Variants in LINGO2 observed in about 807,000 individuals in gnomAD.
LINGO2 encodes the protein leucine-rich repeat and immunoglobulin-like domain-containing nogo receptor-interacting protein 2.
LINGO2 carries 14 observed loss-of-function variants against 30.6 expected under a neutral mutation model. The ratio of observed to expected loss-of-function variants is 0.46; its 90% CI spans 0.30 to 0.72. The LOEUF (loss-of-function observed/expected upper bound fraction) is 0.72, where lower values mean the gene tolerates loss of function less well. Among genes scored for constraint, LINGO2 ranks in the 30% least tolerant of loss-of-function variants. The pLI, the probability that LINGO2 is intolerant of heterozygous loss-of-function variation, is 0.07. For synonymous variants in LINGO2, 317 were observed against 288.5 expected (o/e 1.10, Z -1.00); for missense variants, 729 against 751.7 (o/e 0.97, Z 0.35).
chr9:28,895,694 C>T, the LINGO2 span, among the ~76,000 whole-genome samples: 1 of 151,958 alleles, frequency 6.6e-6, no homozygotes, highest in Non-Finnish European at 1.5e-5. Flanking sequence ...TTTAGATTGA[C>T]AGTAGTCAGA....
At chr9:28,262,031 T>C (rs1312566000) in intron 4 of LINGO2, among the ~76,000 whole-genome samples, 1 of 151,992 alleles carries the variant, frequency 6.6e-6, no homozygotes, top group Non-Finnish European at 1.5e-5. Flanking sequence ...AGTCAATTTG[T>C]GTTAATACAC....
At chr9:28,700,136 C>G in the LINGO2 span, among the ~76,000 whole-genome samples, 1 of 151,868 alleles carries the variant, frequency 6.6e-6, no homozygotes, top group Non-Finnish European at 1.5e-5. Context: ...GCATCATGGT[C>G]CTACCTATAA....
chr9:28,914,725 A>G, the LINGO2 span, among the ~76,000 whole-genome samples: 2 of 152,210 alleles, frequency 1.3e-5, no homozygotes, highest in African/African-American at 2.4e-5. Context: ...AGATTTTGGT[A>G]TCTTCCAGTG....
chr9:28,577,135 C>A (rs1283160622), intron 1 of LINGO2, among the ~76,000 whole-genome samples: 1 of 152,028 alleles, frequency 6.6e-6, no homozygotes, highest in Non-Finnish European at 1.5e-5. Flanking sequence ...AAATAAAACG[C>A]CACAAATTTA....
chr9:28,787,272 A>G, the LINGO2 span, among the ~76,000 whole-genome samples: 3 of 152,184 alleles, frequency 2.0e-5, no homozygotes, highest in Non-Finnish European at 2.9e-5. Context: ...AAGATCTTGT[A>G]CACTACAAAA....
chr9:28,433,949 C>CTCTCTCTCTCTCTATATATATATATA (rs1225323260), intron 2 of LINGO2, among the ~76,000 whole-genome samples: 15 of 88,530 alleles, frequency 1.7e-4, no homozygotes, highest in African/African-American at 6.7e-4. Flanking sequence ...CTCTCTCTCT[C>CTCTCTCTCTCTCTATATATATATATA]TATATATATA....
chr9:28,357,003 T>A (rs1040532911), intron 3 of LINGO2, among the ~76,000 whole-genome samples: 4 of 152,112 alleles, frequency 2.6e-5, no homozygotes, highest in Admixed American at 2.6e-4. Flanking sequence ...TAAATATACA[T>A]ATCTAGGCTC....
At chr9:28,542,728 C>T (rs1200143277) in intron 1 of LINGO2, among the ~76,000 whole-genome samples, 2 of 151,940 alleles carry the variant, frequency 1.3e-5, no homozygotes, top group African/African-American at 4.8e-5. Context: ...GTAGAAAATA[C>T]AGATGTTTAG....
chr9:28,436,747 G>T (rs781553603), intron 2 of LINGO2, among the ~76,000 whole-genome samples: 1 of 152,136 alleles, frequency 6.6e-6, no homozygotes, highest in Non-Finnish European at 1.5e-5. Flanking sequence ...ATAAGCCACC[G>T]CGCCCGGCCA....
At chr9:28,469,036 G>T (rs796876316) in intron 2 of LINGO2, among the ~76,000 whole-genome samples, 24 of 151,932 alleles carry the variant, frequency 1.6e-4, no homozygotes, top group African/African-American at 5.8e-4. Context: ...AAGAGCAAAA[G>T]AAGAATGTGG....
rs886097982 is a variant in LINGO2 at position 28,047,624 on chromosome 9, G to A, written c.-86-35219C>T. On this transcript the variant is annotated intron_variant, in intron 4 of 5. Transcript: ENST00000379992. Reference sequence around the variant, plus strand: ...GATCAATCTACACCTCAGCTTCCTCGGGAGAGTTATGGTGATAGTAACGGT... The same window carrying A: ...GATCAATCTACACCTCAGCTTCCTCAGGAGAGTTATGGTGATAGTAACGGT... Among the ~76,000 whole-genome samples, 15 of 150,792 alleles carry A rather than the reference G, an allele frequency of 9.9e-5. 1 individual carries two copies. The highest frequency in any genetic ancestry group is 3.7e-4 in the African/African-American group (15 of 40,806).
At chr9:29,036,421 G>C in the LINGO2 span, among the ~76,000 whole-genome samples, 1 of 151,854 alleles carries the variant, frequency 6.6e-6, no homozygotes, top group African/African-American at 2.4e-5. Flanking sequence ...AAAAAATAAT[G>C]AATCATTGTA....
At chr9:29,154,084 T>C in the LINGO2 span, among the ~76,000 whole-genome samples, 2 of 152,164 alleles carry the variant, frequency 1.3e-5, no homozygotes, top group Non-Finnish European at 2.9e-5. Context: ...TACACTTGGA[T>C]TAATAGTTTT....
intron 4 of LINGO2, among the ~76,000 whole-genome samples, chr9:28,181,454 CT>C (rs1157787793): frequency 6.6e-6 from 1 of 152,140 alleles, no homozygotes; most frequent in African/African-American, 2.4e-5. Context: ...TCCACATCCC[CT>C]GGAAGCTTGT....
intron 5 of LINGO2, among the ~76,000 whole-genome samples, chr9:27,999,881 T>A (rs1821861338): frequency 6.6e-6 from 1 of 152,080 alleles, no homozygotes; most frequent in Non-Finnish European, 1.5e-5. Context: ...AAAACCACAA[T>A]CACTTTTGCA....
chr9:28,562,867 G>A (rs1439464717), intron 1 of LINGO2, among the ~76,000 whole-genome samples: 3 of 151,688 alleles, frequency 2.0e-5, no homozygotes, highest in Admixed American at 2.0e-4. Context: ...TTTATTTTGG[G>A]ATGGAGTCTC....
chr9:28,051,842 A>C (rs1490175081), intron 4 of LINGO2, among the ~76,000 whole-genome samples: 2 of 152,144 alleles, frequency 1.3e-5, no homozygotes, highest in African/African-American at 4.8e-5. Context: ...AATTAAAAAA[A>C]CAGGATACAG....
intron 3 of LINGO2, among the ~76,000 whole-genome samples, chr9:28,338,428 G>C (rs1825658887): frequency 6.6e-6 from 1 of 152,144 alleles, no homozygotes; most frequent in Admixed American, 6.6e-5. Flanking sequence ...GGACTTTTGA[G>C]TTAATGCTGG....
chr9:28,447,157 T>G (rs1183325739), intron 2 of LINGO2, among the ~76,000 whole-genome samples: 1 of 152,190 alleles, frequency 6.6e-6, no homozygotes. Flanking sequence ...CATATGACTC[T>G]GGATTTTTCT....
Sources: gnomAD v4.1 joint callset for allele counts (sites outside exome capture counted in the v4.1 genomes callset) on GRCh38, gnomAD v4.1.1 for gene constraint, MANE v1.5 for transcripts, NCBI Gene and HGNC (gene_info 2026-07-23, HGNC 2026-07-21) for gene names.